ARHGAP15: variants seen among roughly 807,000 people sequenced by gnomAD.
The protein encoded by ARHGAP15 is Rho GTPase activating protein 15.
A neutral mutation model predicts 63.7 loss-of-function variants in ARHGAP15; 51 were observed. The observed-to-expected ratio is 0.80, with a 90% CI of 0.64 to 1.01. The LOEUF is 1.01. ARHGAP15 is among the 50% of genes least tolerant of loss of function. The pLI, the probability that ARHGAP15 is intolerant of heterozygous loss-of-function variation, is 0.00. For missense variants in ARHGAP15, 560 were observed against 564.6 expected (o/e 0.99, Z 0.08); for synonymous variants, 191 against 193.8 (o/e 0.99, Z 0.12).
At chr2:143,305,693 A>T (rs955318461) in intron 6 of ARHGAP15, among the ~76,000 whole-genome samples, 1 of 152,112 alleles carries the variant, frequency 6.6e-6, no homozygotes, top group Non-Finnish European at 1.5e-5. Context: ...TAGATATATC[A>T]AACTTGAGAT....
chr2:143,518,305 T>C (rs1438969912), intron 9 of ARHGAP15, among the ~76,000 whole-genome samples: 1 of 152,236 alleles, frequency 6.6e-6, no homozygotes, highest in East Asian at 1.9e-4. Flanking sequence ...TGAGAGAATC[T>C]ATTCCATATA....
At chr2:143,270,643 AT>A (rs1681232067) in intron 6 of ARHGAP15, among the ~76,000 whole-genome samples, 1 of 152,186 alleles carries the variant, frequency 6.6e-6, no homozygotes, top group Non-Finnish European at 1.5e-5. Context: ...TCTCAGAGAC[AT>A]TTTATTTCTT....
intron 1 of ARHGAP15, among the ~76,000 whole-genome samples, chr2:143,155,154 G>T (rs1259607392): frequency 6.6e-6 from 1 of 151,752 alleles, no homozygotes; most frequent in Admixed American, 6.6e-5. Context: ...CAAGACAGTT[G>T]GTGGGCAACA....
At chr2:143,226,303 C>T (rs996870032) in intron 4 of ARHGAP15, among the ~76,000 whole-genome samples, 7 of 152,124 alleles carry the variant, frequency 4.6e-5, no homozygotes, top group Non-Finnish European at 8.8e-5. Context: ...GAAACAGATC[C>T]AAATCAGAGC....
At chr2:143,422,202 G>A (rs556390276) in intron 6 of ARHGAP15, among the ~76,000 whole-genome samples, 1 of 152,048 alleles carries the variant, frequency 6.6e-6, no homozygotes, top group African/African-American at 2.4e-5. Context: ...ACCCAATACT[G>A]GTTCTCATGA....
At chr2:143,485,139 T>C (rs1692266745) in intron 8 of ARHGAP15, among the ~76,000 whole-genome samples, 1 of 152,172 alleles carries the variant, frequency 6.6e-6, no homozygotes. Context: ...GTTTGTTACA[T>C]AGGTATACAT....
At chr2:143,476,957 C>T (rs75296469) in intron 8 of ARHGAP15, among the ~76,000 whole-genome samples, 70 of 152,284 alleles carry the variant, frequency 4.6e-4, no homozygotes, top group African/African-American at 1.5e-3. Flanking sequence ...TTGCTATACA[C>T]ATGATGTGAG....
At chr2:143,218,299 T>TTTTTG (rs10678903) in intron 4 of ARHGAP15, among the ~76,000 whole-genome samples, 3 of 144,688 alleles carry the variant, frequency 2.1e-5, no homozygotes, top group African/African-American at 7.6e-5. Flanking sequence ...TTTTTTTTTT[T>TTTTTG]GTTGCTGCTG....
rs1434505042 is a variant in ARHGAP15, at chr2:143,330,114, A to C, written c.474+79514A>C. On this transcript the variant is annotated intron_variant, in intron 6 of 13. Transcript: ENST00000295095. Reference sequence around the variant, plus strand: ...TGTCTCAAAAAAAAAAAAAAAAAAAAAAAAAAAAAAAAAAAAACCAAAAAC... The same window carrying C: ...TGTCTCAAAAAAAAAAAAAAAAAAACAAAAAAAAAAAAAAAAACCAAAAAC... Among the ~76,000 whole-genome samples, 13 of 88,910 alleles carry C rather than the reference A, an allele frequency of 1.5e-4. 1 individual carries two copies. The highest frequency in any genetic ancestry group is 4.0e-4 in the African/African-American group (9 of 22,348). 58.3% of individuals were successfully genotyped at this position (88,910 alleles called of 152,430 possible).
chr2:143,496,156 G>C (rs143109933), intron 9 of ARHGAP15, among the ~76,000 whole-genome samples: 1 of 152,066 alleles, frequency 6.6e-6, no homozygotes, highest in African/African-American at 2.4e-5. Context: ...GGCAGTTTCT[G>C]TTATTTAAAG....
At chr2:143,578,931 T>C (rs1696782875) in intron 11 of ARHGAP15, among the ~76,000 whole-genome samples, 1 of 152,198 alleles carries the variant, frequency 6.6e-6, no homozygotes, top group South Asian at 2.1e-4. Flanking sequence ...ATAGTATTAA[T>C]ATTTAACATT....
At chr2:143,297,955 C>G (rs1320551228) in intron 6 of ARHGAP15, among the ~76,000 whole-genome samples, 1 of 151,996 alleles carries the variant, frequency 6.6e-6, no homozygotes. Flanking sequence ...TCTGTGTGAT[C>G]TTCTACCTTT....
intron 6 of ARHGAP15, among the ~76,000 whole-genome samples, chr2:143,405,200 A>G (rs1296852550): frequency 6.6e-6 from 1 of 151,678 alleles, no homozygotes; most frequent in Non-Finnish European, 1.5e-5. Flanking sequence ...GAAGTATATT[A>G]AGTAAGTTTG....
At chr2:143,228,706 C>A in intron 5 of ARHGAP15, 38 bp downstream of exon 5, 1 of 1,413,436 alleles carries the variant, frequency 7.1e-7, no homozygotes, top group African/African-American at 1.5e-5. Context: ...AATATCTTTT[C>A]AGAAATATTG....
chr2:143,417,150 C>CG (rs1397842329), intron 6 of ARHGAP15, among the ~76,000 whole-genome samples: 3 of 151,798 alleles, frequency 2.0e-5, no homozygotes, highest in African/African-American at 2.4e-5. Context: ...ACCTGGGTCT[C>CG]GGGGGGTCTT....
chr2:143,645,523 G>A (rs1680828625), intron 12 of ARHGAP15, among the ~76,000 whole-genome samples: 1 of 152,024 alleles, frequency 6.6e-6, no homozygotes, highest in Non-Finnish European at 1.5e-5. Context: ...ATCACAGCAG[G>A]TATGAGCACT....
chr2:143,441,745 A>G (rs1187712353), intron 8 of ARHGAP15, among the ~76,000 whole-genome samples: 1 of 152,188 alleles, frequency 6.6e-6, no homozygotes, highest in Non-Finnish European at 1.5e-5. Flanking sequence ...TGAAATGAAC[A>G]TGAGTTAGAA....
At chr2:143,408,660 T>G (rs187533395) in intron 6 of ARHGAP15, among the ~76,000 whole-genome samples, 1 of 152,056 alleles carries the variant, frequency 6.6e-6, no homozygotes. Context: ...GTATTGTGTA[T>G]GTGTTCAAGT....
At chr2:143,671,822 G>T (rs1414885379) in intron 12 of ARHGAP15, among the ~76,000 whole-genome samples, 5 of 152,112 alleles carry the variant, frequency 3.3e-5, no homozygotes, top group African/African-American at 9.7e-5. Flanking sequence ...TAAAGTTTTT[G>T]ATTGTCTTTA....
Sources: allele counts gnomAD v4.1 joint callset (sites outside exome capture counted in the v4.1 genomes callset), GRCh38; gene constraint gnomAD v4.1.1; transcripts MANE v1.5; gene names NCBI Gene and HGNC (gene_info 2026-07-23, HGNC 2026-07-21).